Variants in ACOT12 observed in about 807,000 individuals in gnomAD.
ACOT12 encodes acyl-CoA thioesterase 12.
In ACOT12, 51 loss-of-function variants were observed where a neutral mutation model predicts 67.7. The ratio of observed to expected loss-of-function variants is 0.75; its 90% CI spans 0.60 to 0.95. The LOEUF (loss-of-function observed/expected upper bound fraction) is 0.95, where lower values mean the gene tolerates loss of function less well. ACOT12 is among the 40% of genes least tolerant of loss of function. The pLI is 0.00. For missense variants in ACOT12, 734 were observed against 708.1 expected, an observed-to-expected ratio of 1.04 and a Z score of -0.41; for synonymous variants, 251 against 244.6, an observed-to-expected ratio of 1.03 and a Z score of -0.24.
In ACOT12 at chr5:81,344,087, C is replaced by A. The variant is rs1759293272; in HGVS notation, c.980+73G>T. ...TTTCCGTTACGTGGGAATAGAGACC[C>A]AGAGGGGGGCTCTTATATAATTTGT... is the stretch of plus-strand genomic sequence containing the variant. On this transcript the variant is annotated intron_variant, in intron 9 of 14. Transcript: ENST00000307624. 81 of 1,506,322 alleles carry A rather than the reference C, an allele frequency of 5.4e-5. No individual in the cohort carries two copies. In the South Asian group the frequency reaches 9.1e-4, roughly 17 times the overall value. The allele number at this position is 1,506,322 out of a possible 1,614,324, so 93.3% of individuals were successfully genotyped here. A position where few individuals can be genotyped will look rare whatever the true frequency, so the allele number is the denominator to read the frequency against.
At chr5:81,334,468 C>G (rs1758933294) in intron 12 of ACOT12, among the ~76,000 whole-genome samples, 1 of 152,130 alleles carries the variant, frequency 6.6e-6, no homozygotes, top group South Asian at 2.1e-4. Context: ...TTGAGCAGCA[C>G]GGAAGAAACA....
At chr5:81,391,913 T>C (rs950666478) in intron 1 of ACOT12, among the ~76,000 whole-genome samples, 1 of 152,152 alleles carries the variant, frequency 6.6e-6, no homozygotes, top group African/African-American at 2.4e-5. Context: ...CTCAACTAGA[T>C]GAGTTGGGTG....
intron 11 of ACOT12, among the ~76,000 whole-genome samples, chr5:81,339,235 A>T (rs1759110573): frequency 6.6e-6 from 1 of 152,200 alleles, no homozygotes; most frequent in Non-Finnish European, 1.5e-5. Context: ...AGGTATCTGG[A>T]GATGACCACG....
chr5:81,349,907 T>G (rs1411489243), intron 5 of ACOT12, among the ~76,000 whole-genome samples: 1 of 152,216 alleles, frequency 6.6e-6, no homozygotes, highest in Non-Finnish European at 1.5e-5. Flanking sequence ...GTCCCCATTT[T>G]TGCTTAGAAG....
intron 5 of ACOT12, 48 bp downstream of exon 5, chr5:81,359,855 G>C (rs1467890980): frequency 3.8e-6 from 6 of 1,562,662 alleles, no homozygotes; most frequent in Non-Finnish European, 8.7e-7. Flanking sequence ...AGACTCCTTT[G>C]CCTGTCACAG....
At chr5:81,327,814 G>A (rs1317789528), downstream of ACOT12, among the ~76,000 whole-genome samples, 1 of 152,152 alleles carries the variant, frequency 6.6e-6, no homozygotes. Context: ...CAAAAAAACA[G>A]CATGAAATTT....
chr5:81,345,666 C>T (rs1399683781), intron 7 of ACOT12, among the ~76,000 whole-genome samples: 1 of 151,882 alleles, frequency 6.6e-6, no homozygotes, highest in Non-Finnish European at 1.5e-5. Flanking sequence ...GGACATACGG[C>T]TACCCTTATA....
intron 5 of ACOT12, among the ~76,000 whole-genome samples, chr5:81,354,533 C>T (rs570501604): frequency 7.0e-4 from 107 of 152,246 alleles, no homozygotes; most frequent in Middle Eastern, 6.8e-3. Context: ...CCTAGCAACC[C>T]TTCCCAATAG....
intron 1 of ACOT12, 122 bp downstream of exon 1, chr5:81,393,864 TGG>T: frequency 3.6e-6 from 4 of 1,109,572 alleles, no homozygotes; most frequent in Non-Finnish European, 4.6e-6. Context: ...CCCCTATCCC[TGG>T]CTGCGCAGGG....
intron 13 of ACOT12, among the ~76,000 whole-genome samples, chr5:81,332,214 A>G (rs922001727): frequency 3.3e-5 from 5 of 152,224 alleles, no homozygotes; most frequent in Admixed American, 1.3e-4. Flanking sequence ...TATGTTTCAA[A>G]GGTTTACTGA....
intron 6 of ACOT12, among the ~76,000 whole-genome samples, chr5:81,346,693 G>C (rs921836447): frequency 6.6e-6 from 1 of 152,102 alleles, no homozygotes; most frequent in Non-Finnish European, 1.5e-5. Flanking sequence ...ATGTTCAATT[G>C]CTTTACTGTC....
chr5:81,364,870 C>A (rs11742598), intron 3 of ACOT12, among the ~76,000 whole-genome samples: 12,951 of 152,136 alleles, frequency 0.085, 617 homozygotes, highest in Middle Eastern at 0.14. Flanking sequence ...AGCCTTTACT[C>A]TCAGAGTTTT....
intron 1 of ACOT12, among the ~76,000 whole-genome samples, chr5:81,387,152 T>C (rs1171267356): frequency 6.6e-6 from 1 of 151,926 alleles, no homozygotes; most frequent in Non-Finnish European, 1.5e-5. Flanking sequence ...ACTACAGGTG[T>C]GCACCACCAT....
At chr5:81,384,073 G>A (rs959408379) in intron 2 of ACOT12, among the ~76,000 whole-genome samples, 23 of 150,278 alleles carry the variant, frequency 1.5e-4, no homozygotes, top group Admixed American at 9.3e-4. Flanking sequence ...GCAACTTCCA[G>A]CCTTCCAAGC....
chr5:81,346,656 T>A (rs976180329), intron 6 of ACOT12, among the ~76,000 whole-genome samples: 2 of 152,216 alleles, frequency 1.3e-5, no homozygotes, highest in Admixed American at 6.5e-5. Flanking sequence ...AGCGAACAGA[T>A]GCTGCCATAA....
the ACOT12 span, among the ~76,000 whole-genome samples, chr5:81,323,902 A>G: frequency 2.0e-5 from 3 of 147,848 alleles, no homozygotes; most frequent in African/African-American, 7.4e-5. Flanking sequence ...ATATACGTAT[A>G]TATACACGTA....
Position 81,385,832 on chromosome 5 carries a change from A to G in ACOT12, c.128-6T>C. ...AACTCCAGCATGTTTCTCAGCTTCA[A>G]AAAATACATAAAAATGTGCTGCTTT... is the stretch of plus-strand genomic sequence containing the variant. On this transcript the variant is annotated splice_region_variant and splice_polypyrimidine_tract_variant and intron_variant, in intron 1 of 14. Coordinates refer to ENST00000307624, the MANE Select transcript of ACOT12 (RefSeq NM_130767.3). 1 of 1,613,084 alleles carries G rather than the reference A, an allele frequency of 6.2e-7. No homozygotes were observed. The highest frequency in any genetic ancestry group is 1.1e-5 in the South Asian group (1 of 90,990).
At chr5:81,368,476 T>A (rs1031892532) in intron 3 of ACOT12, among the ~76,000 whole-genome samples, 1 of 151,892 alleles carries the variant, frequency 6.6e-6, no homozygotes, top group Admixed American at 6.6e-5. Flanking sequence ...TTTAAAATAA[T>A]TGAAATTATA....
intron 3 of ACOT12, among the ~76,000 whole-genome samples, chr5:81,368,097 G>T (rs886308764): frequency 6.6e-6 from 1 of 152,142 alleles, no homozygotes; most frequent in African/African-American, 2.4e-5. Context: ...TTCAAGACCA[G>T]CCTGGCCAAC....
Sources: allele counts gnomAD v4.1 joint callset (sites outside exome capture counted in the v4.1 genomes callset), GRCh38; gene constraint gnomAD v4.1.1; transcripts MANE v1.5; gene names NCBI Gene and HGNC (gene_info 2026-07-23, HGNC 2026-07-21).